COLGALT2: variants seen among roughly 807,000 people sequenced by gnomAD.
The protein encoded by COLGALT2 is collagen beta(1-O)galactosyltransferase 2.
COLGALT2 carries 49 observed loss-of-function variants against 73.4 expected under a neutral mutation model. The observed-to-expected ratio is 0.67, with a 90% CI of 0.53 to 0.85. COLGALT2 has a LOEUF of 0.85. COLGALT2 is among the 40% of genes least tolerant of loss of function. The pLI is 0.00. For missense variants in COLGALT2, 722 were observed against 790.2 expected, an observed-to-expected ratio of 0.91 and a Z score of 1.03; for synonymous variants, 295 against 307.6, an observed-to-expected ratio of 0.96 and a Z score of 0.43.
In COLGALT2 at chr1:184,037,111, T is replaced by C. The variant is rs1649709046; in HGVS notation, c.247A>G (p.Ser83Gly). 6.3e-7 allele frequency: 1 copy of C among 1,592,266 alleles called. No homozygotes were observed. Residue 83 changes from serine (S) to glycine (G), a missense_variant, in exon 1 of 12, where the codon AGC becomes GGC. Ser to Gly is a moderately conservative substitution (Grantham distance 56). Coordinates refer to ENST00000361927, the MANE Select transcript of COLGALT2 (RefSeq NM_015101.4). ...GCLERLDYPKSRMAIWAATDH... is the reference protein window; with the variant it reads ...GCLERLDYPKGRMAIWAATDH... ...CGCGCTCACCAGATGGCCATCCTGC[T>C]CTTGGGGTAGTCCAGCCGCTCCAGG...
chr1:184,034,601 G>T (rs1241298417), intron 1 of COLGALT2, among the ~76,000 whole-genome samples: 1 of 152,118 alleles, frequency 6.6e-6, no homozygotes, highest in Non-Finnish European at 1.5e-5. Flanking sequence ...TTTAAAAAAT[G>T]CATTAGAAGA....
At chr1:184,006,174 A>G (rs1672074864) in intron 1 of COLGALT2, among the ~76,000 whole-genome samples, 1 of 152,224 alleles carries the variant, frequency 6.6e-6, no homozygotes, top group Non-Finnish European at 1.5e-5. Context: ...CCACTCCCAT[A>G]TGTTGAACAT....
At chr1:183,969,861 T>A (rs2102812939) in intron 4 of COLGALT2, among the ~76,000 whole-genome samples, 1 of 152,284 alleles carries the variant, frequency 6.6e-6, no homozygotes, top group Middle Eastern at 3.4e-3. Flanking sequence ...AGCTACTTAT[T>A]GTCTGTAGGT....
chr1:183,976,922 G>C (rs1323568259), intron 2 of COLGALT2, among the ~76,000 whole-genome samples: 1 of 152,114 alleles, frequency 6.6e-6, no homozygotes, highest in Non-Finnish European at 1.5e-5. Context: ...AGAAGGAAAG[G>C]GTCTTCCAGG....
chr1:183,949,405 GAGTTCAGAAATAAATCCTTACAT>G (rs1387698321), intron 8 of COLGALT2, among the ~76,000 whole-genome samples: 1 of 152,176 alleles, frequency 6.6e-6, no homozygotes, highest in African/African-American at 2.4e-5. Flanking sequence ...ATAAAATAGA[GAGTTCAGAAATAAATCCTTACAT>G]TTATGGGCAA....
intron 1 of COLGALT2, among the ~76,000 whole-genome samples, chr1:183,990,761 G>C (rs547725570): frequency 6.6e-6 from 1 of 152,362 alleles, no homozygotes; most frequent in African/African-American, 2.4e-5. Context: ...ACGTAAATTT[G>C]TTGGGCTAGG....
chr1:183,979,806 T>C (rs1277684309), intron 1 of COLGALT2, among the ~76,000 whole-genome samples: 1 of 152,078 alleles, frequency 6.6e-6, no homozygotes, highest in African/African-American at 2.4e-5. Flanking sequence ...ATATATAGGA[T>C]CTGTACAACA....
intron 6 of COLGALT2, among the ~76,000 whole-genome samples, chr1:183,958,081 C>T (rs967884289): frequency 2.1e-4 from 32 of 152,190 alleles, no homozygotes; most frequent in African/African-American, 7.0e-4. Flanking sequence ...ATTCATCTCC[C>T]GAAGGCAGCA....
intron 10 of COLGALT2, among the ~76,000 whole-genome samples, chr1:183,941,370 G>T: frequency 6.6e-6 from 1 of 152,150 alleles, no homozygotes; most frequent in East Asian, 1.9e-4. Flanking sequence ...CCTCACACTC[G>T]TCCAGCTGTG....
intron 11 of COLGALT2, among the ~76,000 whole-genome samples, chr1:183,939,999 G>C (rs1670064046): frequency 6.6e-6 from 1 of 152,168 alleles, no homozygotes; most frequent in Non-Finnish European, 1.5e-5. Context: ...GCTAGGTCAG[G>C]GTAAGCTCCT....
At chr1:184,036,648 C>G (rs1020521189) in intron 1 of COLGALT2, among the ~76,000 whole-genome samples, 1 of 152,250 alleles carries the variant, frequency 6.6e-6, no homozygotes, top group African/African-American at 2.4e-5. Flanking sequence ...TGGCCAACCG[C>G]AGTTACGTTC....
At chr1:183,973,089 G>A (rs1189466455) in intron 4 of COLGALT2, among the ~76,000 whole-genome samples, 3 of 152,018 alleles carry the variant, frequency 2.0e-5, no homozygotes, top group Admixed American at 6.6e-5. Context: ...TAATCATGAC[G>A]GTCACGATAG....
At chr1:184,019,262 G>A (rs1277926775) in intron 1 of COLGALT2, among the ~76,000 whole-genome samples, 3 of 151,390 alleles carry the variant, frequency 2.0e-5, no homozygotes, top group Non-Finnish European at 2.9e-5. Flanking sequence ...CATTTTTCAT[G>A]AAGAAACCAG....
intron 10 of COLGALT2, 150 bp from the exon 11 acceptor site, chr1:183,940,937 C>A: frequency 1.4e-6 from 1 of 725,794 alleles, no homozygotes; most frequent in Non-Finnish European, 2.3e-6. Flanking sequence ...AAAGTGGATC[C>A]AATCGCCAGT....
At chr1:184,022,867 C>T (rs1649218347) in intron 1 of COLGALT2, among the ~76,000 whole-genome samples, 1 of 152,142 alleles carries the variant, frequency 6.6e-6, no homozygotes, top group Non-Finnish European at 1.5e-5. Flanking sequence ...CTAGTGTTAC[C>T]AATGCACCCA....
At chr1:183,990,701 T>C (rs1572661191) in intron 1 of COLGALT2, among the ~76,000 whole-genome samples, 1 of 152,144 alleles carries the variant, frequency 6.6e-6, no homozygotes, top group East Asian at 1.9e-4. Flanking sequence ...AGGAACAACA[T>C]ATGTGGAGGC....
intron 3 of COLGALT2, among the ~76,000 whole-genome samples, chr1:183,974,278 AAC>A (rs1671131756): frequency 6.6e-6 from 1 of 152,254 alleles, no homozygotes; most frequent in African/African-American, 2.4e-5. Flanking sequence ...AGTCCATGTT[AAC>A]AGTGATTTAT....
downstream of COLGALT2, among the ~76,000 whole-genome samples, chr1:183,933,834 G>C (rs1214587475): frequency 6.6e-6 from 1 of 152,178 alleles, no homozygotes; most frequent in African/African-American, 2.4e-5. Context: ...AGCCAGGCTG[G>C]AGAATTACAG....
rs186541368 is a variant in COLGALT2, at chr1:184,026,970, G to A, written c.263+10125C>T. Among the ~76,000 whole-genome samples, 43 of 152,186 alleles carry A rather than the reference G, an allele frequency of 2.8e-4. No individual in the cohort carries two copies. In the East Asian group the frequency reaches 4.2e-3, roughly 15 times the overall value. ...TGAAGAAAGAATGTGAGGGAGTGTC[G>A]TTTTATACTGAGCCCCAGTGCAAGG... On this transcript the variant is annotated intron_variant, in intron 1 of 11. Coordinates refer to ENST00000361927, the MANE Select transcript of COLGALT2 (RefSeq NM_015101.4).
Sources: gnomAD v4.1 joint callset for allele counts (sites outside exome capture counted in the v4.1 genomes callset) on GRCh38, gnomAD v4.1.1 for gene constraint, MANE v1.5 for transcripts, NCBI Gene and HGNC (gene_info 2026-07-23, HGNC 2026-07-21) for gene names.